NTF3: variants seen among roughly 807,000 people sequenced by gnomAD.
NTF3 encodes the protein neurotrophin-3.
Under a neutral mutation model 26.3 loss-of-function variants are expected in NTF3, and 8 were observed. That is an observed-to-expected ratio of 0.30 (90% CI 0.18 to 0.55). The LOEUF (loss-of-function observed/expected upper bound fraction) is 0.55. Among genes scored for constraint, NTF3 ranks in the 20% least tolerant of loss-of-function variants. The probability of loss-of-function intolerance (pLI) is 0.93; values close to 1 mark genes in which losing one functional copy is unlikely to be tolerated. For synonymous variants in NTF3, 154 were observed against 145.5 expected, an observed-to-expected ratio of 1.06 and a Z score of -0.42; for missense variants, 276 against 352.9, an observed-to-expected ratio of 0.78 and a Z score of 1.75.
Position 5,494,077 on chromosome 12 carries a change from G to C in NTF3, c.19-117G>C. 1 of 895,950 alleles carries C rather than the reference G, an allele frequency of 1.1e-6. No homozygotes were observed. Among genetic ancestry groups the C allele is most frequent in the East Asian group, 2.6e-5 (1 of 39,088 alleles). 55.5% of individuals were successfully genotyped at this position (895,950 alleles called of 1,614,324 possible). On this transcript the variant is annotated intron_variant, in intron 1 of 1. Transcript: ENST00000423158. The surrounding 1 kb of genome is among the most constrained non-coding windows in gnomAD (Gnocchi z 8.3). ...AGAGGGGAGTTGCCTTGCTTACCTG[G>C]GGGGCGGTACCCTCTCTCGTGCCCT... is the stretch of plus-strand genomic sequence containing the variant.
chr12:5,436,011 T>C (rs895965084), intron 1 of NTF3, among the ~76,000 whole-genome samples: 1 of 152,120 alleles, frequency 6.6e-6, no homozygotes, highest in Non-Finnish European at 1.5e-5. Flanking sequence ...GATGTGCATC[T>C]TTAGCGAAAA....
chr12:5,458,892 C>T (rs1185207329), intron 1 of NTF3, among the ~76,000 whole-genome samples: 1 of 152,184 alleles, frequency 6.6e-6, no homozygotes, highest in Non-Finnish European at 1.5e-5. Flanking sequence ...CGTGCACACG[C>T]ACACTGACAG....
rs147333714 is a variant in NTF3 at position 5,471,132 on chromosome 12, C to G, written c.19-23062C>G. Among the ~76,000 whole-genome samples the G allele has an allele frequency of 1.8e-4, 28 of 152,118 alleles. No homozygotes were observed. In the East Asian group the frequency reaches 5.4e-3, roughly 29 times the overall value. On this transcript the variant is annotated intron_variant, in intron 1 of 1. Coordinates refer to ENST00000423158, the MANE Select transcript of NTF3 (RefSeq NM_001102654.2). ...TTTCTGTTGAGAAACATGGGCTCAC[C>G]GACTTTTGGGTCTCTTCTAACACTA...
intron 1 of NTF3, among the ~76,000 whole-genome samples, chr12:5,485,526 T>G (rs1025385862): frequency 6.6e-6 from 1 of 152,186 alleles, no homozygotes; most frequent in Non-Finnish European, 1.5e-5. Context: ...TCCACAAAGA[T>G]TAATTGAGAT....
chr12:5,463,928 T>C (rs1940554699), intron 1 of NTF3, among the ~76,000 whole-genome samples: 1 of 152,226 alleles, frequency 6.6e-6, no homozygotes, highest in African/African-American at 2.4e-5. Context: ...AAGTGATTTA[T>C]TTTTATTTCT....
At chr12:5,457,684 A>G (rs1003428766) in intron 1 of NTF3, among the ~76,000 whole-genome samples, 2 of 152,064 alleles carry the variant, frequency 1.3e-5, no homozygotes, top group Admixed American at 6.5e-5. Context: ...AGATACCCCA[A>G]ATGTCTTTGT....
intron 1 of NTF3, among the ~76,000 whole-genome samples, chr12:5,466,043 G>A (rs573361716): frequency 4.6e-5 from 7 of 152,258 alleles, no homozygotes; most frequent in South Asian, 2.1e-4. Context: ...AGCCTCACTC[G>A]TGCCCAATGT....
intron 1 of NTF3, among the ~76,000 whole-genome samples, chr12:5,442,893 G>A (rs1591592049): frequency 6.6e-6 from 1 of 152,180 alleles, no homozygotes; most frequent in South Asian, 2.1e-4. Context: ...ACCTTCAACA[G>A]CCTTGCAGTC....
intron 1 of NTF3, among the ~76,000 whole-genome samples, chr12:5,466,616 G>A (rs535851125): frequency 3.9e-5 from 6 of 152,338 alleles, no homozygotes; most frequent in Admixed American, 1.3e-4. Context: ...ATGGGAACTC[G>A]AAATCTGCTC....
chr12:5,494,950 T>C lies in NTF3; in HGVS notation c.775T>C (p.Cys259Arg). ...GWRWIRIDTS[C>R]VCALSRKIGR... ...GCGGTGGATACGGATAGACACGTCC[T>C]GTGTGTGTGCCTTGTCGAGAAAAAT... The change falls in exon 2 of 2, where the codon TGT becomes CGT. Residue 259 changes from cysteine to arginine, a missense_variant. Physicochemically the swap from Cys to Arg is radical, Grantham distance 180. Around this residue, in one of 3 missense-constraint regions of NTF3, gnomAD observed 52 missense variants for 78.4 expected, o/e 0.66. Coordinates refer to ENST00000423158, the MANE Select transcript of NTF3 (RefSeq NM_001102654.2). The surrounding 1 kb of genome is among the most constrained non-coding windows in gnomAD (Gnocchi z 8.3). 6.2e-7 allele frequency: 1 copy of C among 1,614,090 alleles called. No individual in the cohort carries two copies. Among genetic ancestry groups the C allele is most frequent in the Non-Finnish European group, 8.5e-7 (1 of 1,179,998 alleles).
intron 1 of NTF3, among the ~76,000 whole-genome samples, chr12:5,463,226 C>T (rs1447291397): frequency 6.6e-6 from 1 of 152,162 alleles, no homozygotes; most frequent in African/African-American, 2.4e-5. Context: ...TGATTTCATA[C>T]ATCCTGAGAT....
intron 1 of NTF3, among the ~76,000 whole-genome samples, chr12:5,464,631 C>G (rs563559662): frequency 8.5e-5 from 13 of 152,284 alleles, no homozygotes; most frequent in African/African-American, 3.1e-4. Context: ...AATCTGCATA[C>G]TAACTGCTGA....
intron 1 of NTF3, among the ~76,000 whole-genome samples, chr12:5,477,934 C>A (rs1207284100): frequency 6.6e-6 from 1 of 152,142 alleles, no homozygotes; most frequent in African/African-American, 2.4e-5. Flanking sequence ...ACAGGACACC[C>A]AAATACTTGA....
intron 1 of NTF3, among the ~76,000 whole-genome samples, chr12:5,466,066 C>G (rs1423001703): frequency 6.6e-6 from 1 of 152,188 alleles, no homozygotes; most frequent in African/African-American, 2.4e-5. Flanking sequence ...CTCAGCCTCC[C>G]TGAAGAATAT....
rs921276497 is a variant in NTF3 at position 5,480,528 on chromosome 12, G to T, written c.19-13666G>T. 2.6e-5 allele frequency among the ~76,000 whole-genome samples: 4 copies of T among 152,296 alleles called. No individual in the cohort carries two copies. In the East Asian group the frequency reaches 7.7e-4, roughly 29 times the overall value. ...CGGGCGGGCTGGAGCAAAGGCAGGC[G>T]CACTCTGGGGCACTCGGGAGGCGAA... On this transcript the variant is annotated intron_variant, in intron 1 of 1. Transcript: ENST00000423158.
At chr12:5,450,701 T>TTA (rs1940362093) in intron 1 of NTF3, among the ~76,000 whole-genome samples, 1 of 152,360 alleles carries the variant, frequency 6.6e-6, no homozygotes, top group East Asian at 1.9e-4. Flanking sequence ...AGCAATTTTA[T>TTA]TATCTCATTT....
rs918433905 is a variant in NTF3, at chr12:5,490,899, C to G, written c.19-3295C>G. 3.3e-5 allele frequency among the ~76,000 whole-genome samples: 5 copies of G among 152,192 alleles called. No homozygotes were observed. The South Asian group carries it at 1.0e-3, about 32-fold the overall frequency. On this transcript the variant is annotated intron_variant, in intron 1 of 1. Coordinates refer to ENST00000423158, the MANE Select transcript of NTF3 (RefSeq NM_001102654.2). The stretch of plus-strand genomic sequence containing the variant: ...GGAGCTCTCCAGACTCTGGGTCCCT[C>G]GCCCGTGTGCGTCAAGGGCAGGTGT...
At chr12:5,478,976 A>G (rs552836478) in intron 1 of NTF3, among the ~76,000 whole-genome samples, 1 of 152,354 alleles carries the variant, frequency 6.6e-6, no homozygotes, top group Non-Finnish European at 1.5e-5. Context: ...CAGCACAATC[A>G]GAGCTTCTGA....
chr12:5,453,437 A>T (rs1396666765), intron 1 of NTF3, among the ~76,000 whole-genome samples: 1 of 151,954 alleles, frequency 6.6e-6, no homozygotes, highest in Non-Finnish European at 1.5e-5. Context: ...CTGCCCACAT[A>T]TGCACACTTC....
Sources: gnomAD v4.1 joint callset for allele counts (sites outside exome capture counted in the v4.1 genomes callset) on GRCh38, gnomAD v4.1.1 for gene constraint, gnomAD v4.1.1 regional missense constraint, Gnocchi (gnomAD v3.1) non-coding constraint, MANE v1.5 for transcripts, NCBI Gene and HGNC (gene_info 2026-07-23, HGNC 2026-07-21) for gene names.